The following SLC7A2 variants were observed in gnomAD, a reference collection of about 807,000 sequenced individuals.
SLC7A2 encodes the protein cationic amino acid transporter 2.
SLC7A2 carries 48 observed loss-of-function variants against 58.9 expected under a neutral mutation model. That is an observed-to-expected ratio of 0.82 (90% CI 0.65 to 1.04). The LOEUF (loss-of-function observed/expected upper bound fraction) is 1.04, where lower values mean the gene tolerates loss of function less well. Among genes scored for constraint, SLC7A2 ranks in the 50% least tolerant of loss-of-function variants. The pLI is 0.00. For synonymous variants in SLC7A2, 363 were observed against 314.5 expected (o/e 1.15, Z -1.63); for missense variants, 1,029 against 818.8 (o/e 1.26, Z -3.13).
chr8:17,554,798 C>T, intron 8 of SLC7A2, 99 bp downstream of exon 8: 6 of 1,453,730 alleles, frequency 4.1e-6, no homozygotes, highest in Non-Finnish European at 3.7e-6. Context: ...TTTTGATTTC[C>T]AAGAAGTTCA....
chr8:17,507,579 G>A (rs1585182977), intron 2 of SLC7A2, among the ~76,000 whole-genome samples: 1 of 152,138 alleles, frequency 6.6e-6, no homozygotes. Context: ...AATATTTGAA[G>A]TGATGGATAT....
At chr8:17,502,835 A>C (rs1042787984) in intron 2 of SLC7A2, among the ~76,000 whole-genome samples, 4 of 152,152 alleles carry the variant, frequency 2.6e-5, no homozygotes, top group Non-Finnish European at 4.4e-5. Context: ...CACTGCTATA[A>C]TACCATGATT....
Position 17,568,098 on chromosome 8 carries a change from T to G in SLC7A2, c.*2952T>G, listed in dbSNP as rs1803348718. Reference sequence around the variant, plus strand: ...TAATCAATCAAAATTATATAAAGTCTTCTCCAGTAATTAAGAAATACATAT... The same window carrying G: ...TAATCAATCAAAATTATATAAAGTCGTCTCCAGTAATTAAGAAATACATAT... On this transcript the variant is annotated 3_prime_UTR_variant, in exon 13 of 13. Transcript: ENST00000494857. The G allele has an allele frequency of 6.6e-6, 1 of 152,186 alleles. No individual in the cohort carries two copies. The highest frequency in any genetic ancestry group is 6.5e-5 in the Admixed American group (1 of 15,280). The allele number at this position is 152,186 out of a possible 1,614,324, so 9.4% of individuals were successfully genotyped here.
At chr8:17,558,155 A>G (rs181350163) in intron 8 of SLC7A2, 140 bp from the exon 9 acceptor site, 26 of 596,522 alleles carry the variant, frequency 4.4e-5, no homozygotes, top group Admixed American at 1.2e-4. Flanking sequence ...ACTGTGAGAG[A>G]TATATTTTCT....
At chr8:17,535,951 ATT>A (rs1801645785) in intron 2 of SLC7A2, among the ~76,000 whole-genome samples, 1 of 152,132 alleles carries the variant, frequency 6.6e-6, no homozygotes, top group Non-Finnish European at 1.5e-5. Context: ...GCCCACTAAC[ATT>A]GAAGTCTTAA....
chr8:17,538,938 A>G, intron 2 of SLC7A2: 12 of 1,602,890 alleles, frequency 7.5e-6, no homozygotes, highest in Non-Finnish European at 1.0e-5. Context: ...ATTTATTGTC[A>G]GGGCCTGGGA....
intron 2 of SLC7A2, among the ~76,000 whole-genome samples, chr8:17,532,925 A>T (rs115993854): frequency 0.054 from 8,209 of 152,266 alleles, 240 homozygotes; most frequent in Middle Eastern, 0.079. Context: ...CAAAACTTAA[A>T]CTATAACTTA....
chr8:17,503,410 C>A (rs573896604), intron 2 of SLC7A2, among the ~76,000 whole-genome samples: 1 of 152,066 alleles, frequency 6.6e-6, no homozygotes, highest in African/African-American at 2.4e-5. Flanking sequence ...CTTTAGATCG[C>A]GAGTTTTTTC....
At chr8:17,561,672 GT>G (rs1802993317) in intron 10 of SLC7A2, among the ~76,000 whole-genome samples, 1 of 152,200 alleles carries the variant, frequency 6.6e-6, no homozygotes, top group Non-Finnish European at 1.5e-5. Flanking sequence ...CAGATGGCAC[GT>G]GGGCAGATAA....
intron 10 of SLC7A2, 40 bp from the exon 11 acceptor site, chr8:17,561,904 C>T (rs773498847): frequency 2.5e-6 from 4 of 1,597,632 alleles, no homozygotes; most frequent in African/African-American, 1.3e-5. Flanking sequence ...CTGGGTGGAG[C>T]ACAGTGTGCT....
rs1393836782 is a variant in SLC7A2 at position 17,497,246 on chromosome 8, C to G, written c.-69+9C>G. 6.6e-6 allele frequency: 1 copy of G among 152,044 alleles called. No homozygotes were observed. Among genetic ancestry groups the G allele is most frequent in the East Asian group, 1.9e-4 (1 of 5,138 alleles). The allele number at this position is 152,044 out of a possible 1,614,324, so 9.4% of individuals were successfully genotyped here. On this transcript the variant is annotated intron_variant, in intron 1 of 12. Coordinates refer to ENST00000494857, the MANE Select transcript of SLC7A2 (RefSeq NM_001370338.1). Reference sequence around the variant, plus strand: ...ACCCCAACCCAGCCCCAGTAAGTTGCTAGGTCTCCAGCCCCGCCGAGAGGC... The same window carrying G: ...ACCCCAACCCAGCCCCAGTAAGTTGGTAGGTCTCCAGCCCCGCCGAGAGGC...
chr8:17,537,471 A>G (rs1407622007), intron 2 of SLC7A2, among the ~76,000 whole-genome samples: 3 of 152,162 alleles, frequency 2.0e-5, no homozygotes, highest in Non-Finnish European at 4.4e-5. Flanking sequence ...TTTGTTCGTA[A>G]GAGCTTCAAG....
intron 2 of SLC7A2, among the ~76,000 whole-genome samples, chr8:17,527,383 A>G (rs1388372623): frequency 6.6e-6 from 1 of 152,208 alleles, no homozygotes; most frequent in East Asian, 1.9e-4. Context: ...TCACTGGGAA[A>G]ACACTGGGGA....
At chr8:17,515,455 C>A (rs1321896497) in intron 2 of SLC7A2, among the ~76,000 whole-genome samples, 1 of 152,018 alleles carries the variant, frequency 6.6e-6, no homozygotes, top group African/African-American at 2.4e-5. Context: ...GCCACCACAC[C>A]CAGCTAATTT....
chr8:17,524,341 T>C (rs1449661010), intron 2 of SLC7A2, among the ~76,000 whole-genome samples: 2 of 151,682 alleles, frequency 1.3e-5, no homozygotes, highest in Non-Finnish European at 2.9e-5. Flanking sequence ...ATTGCAAAAA[T>C]GTGGAATCAG....
chr8:17,553,459 C>T (rs561386254), intron 7 of SLC7A2, among the ~76,000 whole-genome samples: 2 of 152,294 alleles, frequency 1.3e-5, no homozygotes, highest in South Asian at 2.1e-4. Context: ...TATGGCCAAG[C>T]TCAACAGAGC....
intron 2 of SLC7A2, among the ~76,000 whole-genome samples, chr8:17,524,936 G>A (rs765580349): frequency 2.6e-5 from 4 of 152,084 alleles, no homozygotes; most frequent in Non-Finnish European, 5.9e-5. Flanking sequence ...ACTTTTGGAA[G>A]TGGAGAAATT....
chr8:17,512,660 A>C (rs1477735796), intron 2 of SLC7A2, among the ~76,000 whole-genome samples: 2 of 152,262 alleles, frequency 1.3e-5, no homozygotes, highest in African/African-American at 2.4e-5. Context: ...GTTAGTAGAC[A>C]TAACACAAAA....
chr8:17,541,255 T>G (rs1182926481), intron 2 of SLC7A2, among the ~76,000 whole-genome samples: 1 of 152,214 alleles, frequency 6.6e-6, no homozygotes, highest in Non-Finnish European at 1.5e-5. Flanking sequence ...TCTCAATTCT[T>G]TTTAAGCAGA....
Sources: gnomAD v4.1 joint callset for allele counts (sites outside exome capture counted in the v4.1 genomes callset) on GRCh38, gnomAD v4.1.1 for gene constraint, MANE v1.5 for transcripts, NCBI Gene and HGNC (gene_info 2026-07-23, HGNC 2026-07-21) for gene names.